PCDH9: variants seen among roughly 807,000 people sequenced by gnomAD.
PCDH9 encodes the protein protocadherin 9, also known as protocadherin-9.
In PCDH9, 24 loss-of-function variants were observed where a neutral mutation model predicts 70.6. That is an observed-to-expected ratio of 0.34 (90% confidence interval 0.25 to 0.48). The LOEUF (loss-of-function observed/expected upper bound fraction) is 0.48, where lower values mean the gene tolerates loss of function less well. Ranked by LOEUF, PCDH9 falls within the 20% of genes least tolerant of loss-of-function variation. PCDH9 has a pLI of 0.99. For missense variants in PCDH9, 1,281 were observed against 1,503.6 expected, an observed-to-expected ratio of 0.85 and a Z score of 2.45; for synonymous variants, 562 against 558.5, an observed-to-expected ratio of 1.01 and a Z score of -0.09.
intron 2 of PCDH9, chr13:67,221,463 A>G (rs1340113093): frequency 6.6e-6 from 1 of 152,144 alleles, no homozygotes; most frequent in Non-Finnish European, 1.5e-5. Flanking sequence ...TTTTCAGTGT[A>G]TACATTCCTC....
intron 4 of PCDH9, among the ~76,000 whole-genome samples, chr13:66,333,630 C>G (rs1364673917): frequency 2.6e-5 from 4 of 152,086 alleles, no homozygotes; most frequent in African/African-American, 9.7e-5. Flanking sequence ...GAAATGGAAA[C>G]AGGAAAACTT....
intron 2 of PCDH9, among the ~76,000 whole-genome samples, chr13:67,054,655 T>G (rs1282269187): frequency 6.6e-6 from 1 of 152,176 alleles, no homozygotes; most frequent in East Asian, 1.9e-4. Context: ...ATGTTTAAAA[T>G]TATTGAGAAA....
chr13:66,617,185 G>T (rs2077366317), intron 4 of PCDH9, among the ~76,000 whole-genome samples: 1 of 152,158 alleles, frequency 6.6e-6, no homozygotes, highest in South Asian at 2.1e-4. Context: ...TGATTCATGG[G>T]TGCAAGCCAC....
intron 2 of PCDH9, among the ~76,000 whole-genome samples, chr13:67,176,339 C>A (rs2138464847): frequency 6.6e-6 from 1 of 152,038 alleles, no homozygotes; most frequent in East Asian, 1.9e-4. Context: ...AGGTTCAATC[C>A]CCCATGCTTA....
At chr13:66,575,858 T>A (rs994393716) in intron 4 of PCDH9, among the ~76,000 whole-genome samples, 2 of 152,134 alleles carry the variant, frequency 1.3e-5, no homozygotes. Flanking sequence ...AGACAAGCCC[T>A]ATGAGATAAG....
chr13:66,713,621 GTGTGTATATA>G (rs1166004068), intron 3 of PCDH9, among the ~76,000 whole-genome samples: 2 of 16,886 alleles, frequency 1.2e-4, no homozygotes, highest in African/African-American at 2.5e-4. Flanking sequence ...AAGTGTGTGT[GTGTGTATATA>G]TATATATATA....
intron 4 of PCDH9, among the ~76,000 whole-genome samples, chr13:66,405,646 G>C (rs17081249): frequency 0.014 from 2,074 of 152,262 alleles, 27 homozygotes; most frequent in East Asian, 0.078. Context: ...TGAACCAAAG[G>C]CTGCGTTAAA....
At chr13:66,655,471 A>T (rs1360580364) in intron 3 of PCDH9, among the ~76,000 whole-genome samples, 1 of 152,074 alleles carries the variant, frequency 6.6e-6, no homozygotes. Context: ...ATATTTTCCA[A>T]TGTAATCTTT....
intron 4 of PCDH9, among the ~76,000 whole-genome samples, chr13:66,515,525 A>C (rs1959691300): frequency 2.0e-5 from 3 of 152,018 alleles, no homozygotes. Context: ...ATAACATTAT[A>C]CATATTTAGA....
At chr13:66,780,138 G>A (rs1171275111) in intron 3 of PCDH9, among the ~76,000 whole-genome samples, 1 of 151,836 alleles carries the variant, frequency 6.6e-6, no homozygotes, top group Non-Finnish European at 1.5e-5. Flanking sequence ...TATGTGAGAT[G>A]ATGCATAAGT....
In PCDH9 at chr13:66,536,674, A is replaced by G. The variant is rs892431952; in HGVS notation, c.3340+94536T>C. On this transcript the variant is annotated intron_variant, in intron 4 of 4. Transcript: ENST00000377865. ...TACAAAAATTTTCAAATGAATAGAT[A>G]TAGCTTCTGAAAATTGGATGAATGG... 2.0e-5 allele frequency among the ~76,000 whole-genome samples: 3 copies of G among 152,146 alleles called. No individual in the cohort carries two copies. The East Asian group carries it at 5.8e-4, about 29-fold the overall frequency.
intron 2 of PCDH9, among the ~76,000 whole-genome samples, chr13:66,963,876 T>A (rs2083389704): frequency 6.6e-6 from 1 of 152,152 alleles, no homozygotes. Context: ...TAATGCAAAC[T>A]TTTTATATTT....
chr13:66,305,733 C>T (rs1474670603), intron 4 of PCDH9, among the ~76,000 whole-genome samples: 1 of 151,994 alleles, frequency 6.6e-6, no homozygotes. Context: ...GTGTTTAGTT[C>T]CCCTGAGCTT....
At chr13:66,633,234 T>C (rs2077594885) in intron 3 of PCDH9, among the ~76,000 whole-genome samples, 1 of 152,210 alleles carries the variant, frequency 6.6e-6, no homozygotes, top group Non-Finnish European at 1.5e-5. Flanking sequence ...TAATTGCCTC[T>C]ATTGTAACAC....
intron 4 of PCDH9, among the ~76,000 whole-genome samples, chr13:66,561,161 G>T (rs933545584): frequency 6.6e-6 from 1 of 152,220 alleles, no homozygotes; most frequent in African/African-American, 2.4e-5. Context: ...CACTCGGAGC[G>T]GCCGGCTGGC....
chr13:67,173,430 A>G (rs1452206713), intron 2 of PCDH9, among the ~76,000 whole-genome samples: 1 of 152,068 alleles, frequency 6.6e-6, no homozygotes, highest in Admixed American at 6.6e-5. Context: ...AATTATATAT[A>G]TATTTTCCAA....
At chr13:66,901,889 A>G (rs922863586) in intron 3 of PCDH9, among the ~76,000 whole-genome samples, 1 of 151,760 alleles carries the variant, frequency 6.6e-6, no homozygotes, top group African/African-American at 2.4e-5. Context: ...TTAAGTCAAT[A>G]AACACAAACA....
At chr13:67,225,353 T>A (rs758830543) in intron 2 of PCDH9, 52 bp downstream of exon 2, 2 of 1,551,130 alleles carry the variant, frequency 1.3e-6, no homozygotes, top group East Asian at 4.5e-5. Context: ...TAATACTGGT[T>A]GACTGGGCAC....
At chr13:66,998,740 A>G (rs563405010) in intron 2 of PCDH9, among the ~76,000 whole-genome samples, 1 of 152,128 alleles carries the variant, frequency 6.6e-6, no homozygotes, top group Non-Finnish European at 1.5e-5. Context: ...CTTACACTCA[A>G]TTATCAGTTC....
Sources: gnomAD v4.1 joint callset for allele counts (sites outside exome capture counted in the v4.1 genomes callset) on GRCh38, gnomAD v4.1.1 for gene constraint, MANE v1.5 for transcripts, NCBI Gene and HGNC (gene_info 2026-07-23, HGNC 2026-07-21) for gene names.